SKAP1: variants seen among roughly 807,000 people sequenced by gnomAD.
SKAP1 encodes the protein src kinase associated phosphoprotein 1.
A neutral mutation model predicts 58.5 loss-of-function variants in SKAP1; 44 were observed. The observed-to-expected ratio is 0.75, with a 90% CI of 0.59 to 0.97. The LOEUF is 0.97. Ranked by LOEUF, SKAP1 falls within the 50% of genes least tolerant of loss-of-function variation. The pLI, the probability that SKAP1 is intolerant of heterozygous loss-of-function variation, is 0.00. For missense variants in SKAP1, 390 were observed against 435.2 expected (o/e 0.90, Z 0.92); for synonymous variants, 127 against 149.7 (o/e 0.85, Z 1.11).
chr17:48,157,680 C>T (rs1168443888), intron 11 of SKAP1, among the ~76,000 whole-genome samples: 2 of 150,672 alleles, frequency 1.3e-5, no homozygotes, highest in Non-Finnish European at 1.5e-5. Flanking sequence ...AGGCATGCAC[C>T]AGCATGCCCA....
At chr17:48,402,176 T>C (rs1418548817) in intron 1 of SKAP1, among the ~76,000 whole-genome samples, 1 of 152,170 alleles carries the variant, frequency 6.6e-6, no homozygotes, top group Non-Finnish European at 1.5e-5. Flanking sequence ...GGTAGGAATG[T>C]AAAACAGTGC....
chr17:48,171,757 G>GTGTGC (rs1437444379), intron 9 of SKAP1, among the ~76,000 whole-genome samples: 1 of 151,938 alleles, frequency 6.6e-6, no homozygotes, highest in African/African-American at 2.4e-5. Context: ...GTGTGTGTGT[G>GTGTGC]TGTGTGAACA....
At chr17:48,266,657 C>A (rs946060506) in intron 4 of SKAP1, among the ~76,000 whole-genome samples, 4 of 151,746 alleles carry the variant, frequency 2.6e-5, no homozygotes, top group Non-Finnish European at 4.4e-5. Context: ...ACTACAGGCG[C>A]CTGCCACAAC....
At chr17:48,311,036 C>G (rs900195025) in intron 4 of SKAP1, among the ~76,000 whole-genome samples, 5 of 152,318 alleles carry the variant, frequency 3.3e-5, no homozygotes, top group Admixed American at 2.0e-4. Flanking sequence ...GCCGCCCCCC[C>G]AGGCTGAGCC....
At chr17:48,153,024 GACACACAC>G (rs10537609) in intron 11 of SKAP1, among the ~76,000 whole-genome samples, 78,603 of 150,548 alleles carry the variant, frequency 0.52, 21,259 homozygotes, top group East Asian at 0.71. Context: ...TGTGCACATG[GACACACAC>G]ACACACACAC....
rs376566785 is a variant in SKAP1 at position 48,162,804 on chromosome 17, C to T, written c.878-235G>A. 91 of 315,256 alleles carry T rather than the reference C, an allele frequency of 2.9e-4. 2 individuals are homozygous for T. Among genetic ancestry groups the T allele is most frequent in the East Asian group, 2.3e-3 (44 of 19,154 alleles). The allele number at this position is 315,256 out of a possible 1,614,324, so 19.5% of individuals were successfully genotyped here. A position where few individuals can be genotyped will look rare whatever the true frequency, so the allele number is the denominator to read the frequency against. On this transcript the variant is annotated intron_variant, in intron 10 of 12. Transcript: ENST00000336915. ...TCACTCCTAGTAGGATGCCGTTCAA[C>T]AATATGATAAATATATTTATTTATT...
chr17:48,319,026 A>G (rs1008293538), intron 4 of SKAP1, among the ~76,000 whole-genome samples: 22 of 152,248 alleles, frequency 1.4e-4, no homozygotes, highest in Admixed American at 1.3e-4. Flanking sequence ...AGTAAGAATA[A>G]CTTTTGAATA....
At chr17:48,300,737 T>A (rs963236849) in intron 4 of SKAP1, among the ~76,000 whole-genome samples, 2 of 152,218 alleles carry the variant, frequency 1.3e-5, no homozygotes, top group African/African-American at 4.8e-5. Flanking sequence ...TTAACAATAA[T>A]GTGTTTTCTC....
chr17:48,434,088 C>A (rs2067930323), upstream of SKAP1, among the ~76,000 whole-genome samples: 1 of 152,200 alleles, frequency 6.6e-6, no homozygotes, highest in African/African-American at 2.4e-5. Context: ...AATGCTGGGT[C>A]ATGACATGTG....
intron 4 of SKAP1, among the ~76,000 whole-genome samples, chr17:48,281,837 CA>C (rs1567851384): frequency 6.6e-6 from 1 of 151,908 alleles, no homozygotes. Flanking sequence ...CAAAAACAGA[CA>C]AAAAATAAAT....
At chr17:48,434,390 A>G (rs1006773176), upstream of SKAP1, among the ~76,000 whole-genome samples, 3 of 152,218 alleles carry the variant, frequency 2.0e-5, no homozygotes, top group Non-Finnish European at 2.9e-5. Context: ...TCAGTGGCCT[A>G]AAAATGAAGT....
chr17:48,213,470 G>A (rs1249405793), intron 4 of SKAP1, among the ~76,000 whole-genome samples: 2 of 152,052 alleles, frequency 1.3e-5, no homozygotes, highest in Non-Finnish European at 2.9e-5. Flanking sequence ...GATATGAAAT[G>A]GTCTCTCCAA....
chr17:48,283,051 A>G (rs1042613922), intron 4 of SKAP1, among the ~76,000 whole-genome samples: 2 of 152,226 alleles, frequency 1.3e-5, no homozygotes, highest in Non-Finnish European at 2.9e-5. Flanking sequence ...CTTATTTCAG[A>G]GACAGAATAT....
intron 4 of SKAP1, among the ~76,000 whole-genome samples, chr17:48,341,244 A>T (rs923683965): frequency 2.0e-5 from 3 of 152,190 alleles, no homozygotes; most frequent in African/African-American, 7.2e-5. Context: ...TAACTTTGGC[A>T]CCATGAAATT....
chr17:48,298,943 T>A (rs1198031648), intron 4 of SKAP1, among the ~76,000 whole-genome samples: 1 of 152,140 alleles, frequency 6.6e-6, no homozygotes, highest in Non-Finnish European at 1.5e-5. Context: ...TAATATTCAG[T>A]GGTATGGCAG....
At chr17:48,268,221 C>T (rs1385516696) in intron 4 of SKAP1, among the ~76,000 whole-genome samples, 1 of 151,624 alleles carries the variant, frequency 6.6e-6, no homozygotes, top group African/African-American at 2.4e-5. Context: ...GTAGCTAACC[C>T]TCCAAATACT....
At position 48,396,711 on chromosome 17, in the gene SKAP1, T is replaced by A. The variant is rs1051329325; in HGVS notation, c.121A>T (p.Ile41Phe). The A allele has an allele frequency of 4.3e-6, 7 of 1,613,244 alleles. No homozygotes were observed. The African/African-American group carries it at 9.3e-5, about 22-fold the overall frequency. The change falls in exon 2 of 13, where the codon ATT becomes TTT. Residue 41 changes from isoleucine (I) to phenylalanine (F), a missense_variant. By Grantham distance (21) the Ile-to-Phe change is conservative. Coordinates refer to ENST00000336915, the MANE Select transcript of SKAP1 (RefSeq NM_003726.4). ...SAVARDHRDH[I>F]LRGFQQIKAR... ...TTGATTTGCTGAAAGCCCCGTAGAA[T>A]ATGGTCTCTGTGATCCCTTGCAACA...
intron 2 of SKAP1, among the ~76,000 whole-genome samples, chr17:48,377,591 A>AAG: frequency 6.6e-6 from 1 of 151,870 alleles, no homozygotes; most frequent in Admixed American, 6.6e-5. Flanking sequence ...AAAAAAAAAA[A>AAG]AAATTAAATA....
At chr17:48,426,961 A>G (rs184292163) in intron 1 of SKAP1, among the ~76,000 whole-genome samples, 323 of 151,834 alleles carry the variant, frequency 2.1e-3, no homozygotes, top group Admixed American at 3.7e-3. Flanking sequence ...CTGAGTTTCT[A>G]TTTGTCTTTT....
Sources: allele counts gnomAD v4.1 joint callset (sites outside exome capture counted in the v4.1 genomes callset), GRCh38; gene constraint gnomAD v4.1.1; transcripts MANE v1.5; gene names NCBI Gene and HGNC (gene_info 2026-07-23, HGNC 2026-07-21).